The following FERMT2 variants were observed in gnomAD, a reference collection of about 807,000 sequenced individuals.
The protein encoded by FERMT2 is fermitin family homolog 2.
In FERMT2, 15 loss-of-function variants were observed where a neutral mutation model predicts 82.7. That is an observed-to-expected ratio of 0.18 (90% CI 0.12 to 0.28). The LOEUF is 0.28. FERMT2 is among the 10% of genes least tolerant of loss of function. The pLI, the probability that FERMT2 is intolerant of heterozygous loss-of-function variation, is 1.00. For missense variants in FERMT2, 645 were observed against 809.4 expected (o/e 0.80, Z 2.46); for synonymous variants, 274 against 271.5 (o/e 1.01, Z -0.09).
intron 2 of FERMT2, among the ~76,000 whole-genome samples, chr14:52,938,136 G>T (rs775774198): frequency 6.6e-6 from 1 of 152,166 alleles, no homozygotes; most frequent in Non-Finnish European, 1.5e-5. Context: ...CCCAGTCAGT[G>T]ACTTCAAGGA....
At chr14:52,912,736 C>T (rs1888394260) in intron 3 of FERMT2, among the ~76,000 whole-genome samples, 1 of 152,132 alleles carries the variant, frequency 6.6e-6, no homozygotes, top group African/African-American at 2.4e-5. Flanking sequence ...TCTTGAACTC[C>T]TGGCCTCAAG....
rs558978344 is a variant in FERMT2 at position 52,872,822 on chromosome 14, G to C, written c.1250C>G (p.Pro417Arg). ...YKSKEESSGT[P>R]AHQMNLRGCE... ...ACCCCTGAGGTTCATCTGATGAGCT[G>C]GTGTGCCACTGGATTCTTCTTTGCT... The change falls in exon 10 of 15, where the codon CCA (proline) becomes CGA (arginine). Residue 417 changes from proline to arginine, a missense_variant. Coordinates refer to ENST00000341590, the MANE Select transcript of FERMT2 (RefSeq NM_006832.3). 2.2e-5 allele frequency: 36 copies of C among 1,613,862 alleles called. No homozygotes were observed. In the African/African-American group the frequency reaches 3.6e-4, roughly 16 times the overall value.
At chr14:52,899,832 A>G (rs1382346076) in intron 3 of FERMT2, among the ~76,000 whole-genome samples, 1 of 152,208 alleles carries the variant, frequency 6.6e-6, no homozygotes, top group Non-Finnish European at 1.5e-5. Flanking sequence ...CCTTGTATCA[A>G]GAAGTAATTA....
intron 4 of FERMT2, among the ~76,000 whole-genome samples, chr14:52,891,364 CCTT>C (rs1047805086): frequency 1.3e-5 from 2 of 152,126 alleles, no homozygotes; most frequent in Non-Finnish European, 2.9e-5. Flanking sequence ...TATATTACCT[CCTT>C]AAGTATAGTA....
rs937092471 is a variant in FERMT2 at position 52,860,895 on chromosome 14, C to A, written c.1603-430G>T. ...AGCAGCTTTAAGGTACTTGAAATCACCATAATCATTTCTATTTTAAATTTA... is the reference window on the plus strand; with the variant it reads ...AGCAGCTTTAAGGTACTTGAAATCAACATAATCATTTCTATTTTAAATTTA... On this transcript the variant is annotated intron_variant, in intron 12 of 14. Transcript: ENST00000341590. 8.0e-6 allele frequency: 6 copies of A among 751,270 alleles called. No homozygotes were observed. The Admixed American group carries it at 1.2e-4, about 15-fold the overall frequency. The allele number at this position is 751,270 out of a possible 1,614,324, so 46.5% of individuals were successfully genotyped here.
intron 2 of FERMT2, among the ~76,000 whole-genome samples, chr14:52,920,469 A>T (rs1369148095): frequency 6.8e-6 from 1 of 146,784 alleles, no homozygotes; most frequent in Non-Finnish European, 1.5e-5. Context: ...CATCTCTATA[A>T]TTTTTTTTTT....
rs767086094 is a variant in FERMT2, at chr14:52,881,244, C to T, written c.752G>A (p.Gly251Glu). ...ALLDKAKINQ[G>E]WLDSSRSLME... Reference sequence around the variant, plus strand: ...ATTTTATCTATATCTTAAAACTTACCCTTGGTTGATTTTTGCTTTATCAAG... The same window carrying T: ...ATTTTATCTATATCTTAAAACTTACTCTTGGTTGATTTTTGCTTTATCAAG... Residue 251 changes from glycine to glutamate, a missense_variant and splice_region_variant, in exon 5 of 15, where the codon GGA (glycine) becomes GAA (glutamate). Gly to Glu is a moderately conservative substitution (Grantham distance 98). Transcript: ENST00000341590. 1 of 1,612,972 alleles carries T rather than the reference C, an allele frequency of 6.2e-7. No individual in the cohort carries two copies. Among genetic ancestry groups the T allele is most frequent in the South Asian group, 1.1e-5 (1 of 91,040 alleles).
Position 52,895,477 on chromosome 14 carries a change from A to T in FERMT2, c.392-2050T>A, listed in dbSNP as rs554322670. Among the ~76,000 whole-genome samples, 3 of 152,360 alleles carry T rather than the reference A, an allele frequency of 2.0e-5. No homozygotes were observed. In the South Asian group the frequency reaches 6.2e-4, roughly 32 times the overall value. Reference sequence around the variant, plus strand: ...TGCAAACCAACGGTATACTACTTAGACAATGGAACACAACTCACCAATCAG... The same window carrying T: ...TGCAAACCAACGGTATACTACTTAGTCAATGGAACACAACTCACCAATCAG... On this transcript the variant is annotated intron_variant, in intron 3 of 14. Coordinates refer to ENST00000341590, the MANE Select transcript of FERMT2 (RefSeq NM_006832.3).
chr14:52,871,987 G>A (rs1202306667), intron 10 of FERMT2: 1 of 152,420 alleles, frequency 6.6e-6, no homozygotes, highest in African/African-American at 2.4e-5. Context: ...GAAGGGGAAG[G>A]GGAAGGACTT....
intron 2 of FERMT2, among the ~76,000 whole-genome samples, chr14:52,924,825 A>AT (rs1889159724): frequency 6.6e-6 from 1 of 152,186 alleles, no homozygotes; most frequent in South Asian, 2.1e-4. Flanking sequence ...TTTTAGCTTC[A>AT]TTTTTAAAAA....
chr14:52,940,198 C>A (rs928595861), intron 2 of FERMT2, among the ~76,000 whole-genome samples: 3 of 152,204 alleles, frequency 2.0e-5, no homozygotes, highest in African/African-American at 7.2e-5. Context: ...CCCAAGGATG[C>A]ACTGACACTG....
intron 7 of FERMT2, among the ~76,000 whole-genome samples, chr14:52,876,877 C>T (rs1885988243): frequency 6.6e-6 from 1 of 152,154 alleles, no homozygotes; most frequent in Admixed American, 6.5e-5. Flanking sequence ...GGGTCAGTCT[C>T]TGAGAAAGCC....
chr14:52,948,873 A>G (rs1890483240), intron 2 of FERMT2, among the ~76,000 whole-genome samples: 2 of 152,238 alleles, frequency 1.3e-5, no homozygotes, highest in Non-Finnish European at 2.9e-5. Flanking sequence ...CATTTACCAT[A>G]AATTAGAAAA....
intron 3 of FERMT2, among the ~76,000 whole-genome samples, chr14:52,900,065 C>T (rs552468196): frequency 1.3e-5 from 2 of 152,266 alleles, no homozygotes; most frequent in East Asian, 3.9e-4. Flanking sequence ...CAAAGCAATG[C>T]TCCAGAACCT....
At chr14:52,939,487 C>A (rs1889999443) in intron 2 of FERMT2, among the ~76,000 whole-genome samples, 1 of 152,010 alleles carries the variant, frequency 6.6e-6, no homozygotes, top group South Asian at 2.1e-4. Context: ...TCTACAAACA[C>A]TAAAATAGCT....
At chr14:52,884,086 C>G (rs1449880381) in intron 4 of FERMT2, among the ~76,000 whole-genome samples, 1 of 152,192 alleles carries the variant, frequency 6.6e-6, no homozygotes, top group East Asian at 1.9e-4. Flanking sequence ...AATCAGCCAC[C>G]CACCCAAATC....
At chr14:52,914,273 G>A (rs1888492184) in intron 3 of FERMT2, among the ~76,000 whole-genome samples, 1 of 152,032 alleles carries the variant, frequency 6.6e-6, no homozygotes, top group Non-Finnish European at 1.5e-5. Flanking sequence ...GGGAGGCTGA[G>A]GCAGGAGGAC....
chr14:52,947,045 G>A (rs1231917415), intron 2 of FERMT2, among the ~76,000 whole-genome samples: 1 of 152,124 alleles, frequency 6.6e-6, no homozygotes, highest in Non-Finnish European at 1.5e-5. Flanking sequence ...TATTTATGAA[G>A]TATCAGCCTA....
At chr14:52,947,062 G>A (rs1275213509) in intron 2 of FERMT2, among the ~76,000 whole-genome samples, 2 of 152,142 alleles carry the variant, frequency 1.3e-5, no homozygotes, top group Non-Finnish European at 1.5e-5. Flanking sequence ...CCTAGACTAA[G>A]TCACAAATGC....
Sources: gnomAD v4.1 joint callset for allele counts (sites outside exome capture counted in the v4.1 genomes callset) on GRCh38, gnomAD v4.1.1 for gene constraint, MANE v1.5 for transcripts, NCBI Gene and HGNC (gene_info 2026-07-23, HGNC 2026-07-21) for gene names.